NCAPG2: variants seen among roughly 807,000 people sequenced by gnomAD.
NCAPG2 encodes the protein condensin-2 complex subunit G2.
NCAPG2 carries 53 observed loss-of-function variants against 141.1 expected under a neutral mutation model. The observed-to-expected ratio is 0.38, with a 90% confidence interval of 0.30 to 0.47. The LOEUF (loss-of-function observed/expected upper bound fraction) is 0.47. NCAPG2 is among the 20% of genes least tolerant of loss of function. The pLI, the probability that NCAPG2 is intolerant of heterozygous loss-of-function variation, is 0.99. For synonymous variants in NCAPG2, 499 were observed against 490.7 expected (o/e 1.02, Z -0.22); for missense variants, 1,087 against 1,389.0 (o/e 0.78, Z 3.46).
At position 158,655,252 on chromosome 7, in the gene NCAPG2, A is replaced by G; in HGVS notation, c.2512T>C (p.Ser838Pro). ...LSIHLQHKFC[S>P]EGKVYLSMLE... The stretch of plus-strand genomic sequence containing the variant: ...ATGGACAAATACACCTTTCCTTCTG[A>G]GCAGAACTGTCCAAAAACAAGAAGA... The change falls in exon 21 of 28, where the codon TCA (serine) becomes CCA (proline). Residue 838 changes from serine (S) to proline (P), a missense_variant. Coordinates refer to ENST00000356309, the MANE Select transcript of NCAPG2 (RefSeq NM_017760.7). The G allele has an allele frequency of 6.2e-7, 1 of 1,613,892 alleles. No individual in the cohort carries two copies.
chr7:158,638,102 C>A (rs957958837), intron 27 of NCAPG2, among the ~76,000 whole-genome samples: 1 of 152,140 alleles, frequency 6.6e-6, no homozygotes. Flanking sequence ...CAAGATCGCA[C>A]CACTGCACTA....
chr7:158,683,510 A>C, intron 8 of NCAPG2, 124 bp from the exon 9 acceptor site: 2 of 522,486 alleles, frequency 3.8e-6, no homozygotes, highest in Non-Finnish European at 6.3e-6. Context: ...TGAGAAAAAA[A>C]CCTGGACCCT....
intron 11 of NCAPG2, among the ~76,000 whole-genome samples, chr7:158,679,740 T>C (rs1166473675): frequency 1.3e-5 from 2 of 152,144 alleles, no homozygotes. Flanking sequence ...AATAATTAAA[T>C]GTCCCAAAAG....
intron 27 of NCAPG2, among the ~76,000 whole-genome samples, chr7:158,637,093 GC>G (rs1177951611): frequency 3.3e-5 from 5 of 151,848 alleles, no homozygotes; most frequent in African/African-American, 1.2e-4. Context: ...GACTACAGGC[GC>G]CCGCCACCAT....
intron 25 of NCAPG2, 21 bp from the exon 26 acceptor site, chr7:158,645,640 A>C: frequency 1.3e-6 from 2 of 1,596,116 alleles, no homozygotes; most frequent in Non-Finnish European, 1.7e-6. Context: ...ATCAACAAAC[A>C]TCAAAATTAC....
Position 158,675,607 on chromosome 7 carries a change from C to T in NCAPG2, c.1196G>A (p.Gly399Asp), listed in dbSNP as rs1485235173. Reference protein sequence around the residue: ...YPMVRSTGILGVCKITSKYWE... With the variant: ...YPMVRSTGILDVCKITSKYWE... ...GTACTTAGAAGTTATTTTACAAACACCAAGGATCCCTGTGGAACGGACCAT... is the reference window on the plus strand; with the variant it reads ...GTACTTAGAAGTTATTTTACAAACATCAAGGATCCCTGTGGAACGGACCAT... Residue 399 changes from glycine (G) to aspartate (D), a missense_variant, in exon 12 of 28, where the codon GGT (glycine) becomes GAT (aspartate). Coordinates refer to ENST00000356309, the MANE Select transcript of NCAPG2 (RefSeq NM_017760.7). 6.2e-7 allele frequency: 1 copy of T among 1,613,744 alleles called. No individual in the cohort carries two copies. Among genetic ancestry groups the T allele is most frequent in the East Asian group, 2.2e-5 (1 of 44,888 alleles).
chr7:158,655,538 C>T, intron 19 of NCAPG2, 83 bp from the exon 20 acceptor site: 1 of 1,203,246 alleles, frequency 8.3e-7, no homozygotes, highest in East Asian at 2.3e-5. Context: ...TGGGAAGCAC[C>T]TGATCCTCAG....
At chr7:158,677,286 C>G (rs1367307972) in intron 11 of NCAPG2, among the ~76,000 whole-genome samples, 1 of 152,016 alleles carries the variant, frequency 6.6e-6, no homozygotes, top group Non-Finnish European at 1.5e-5. Flanking sequence ...GCCCTTTGTA[C>G]TTGGGTACCG....
chr7:158,652,497 A>C lies in NCAPG2; in HGVS notation c.2747-17T>G, dbSNP rs766564275. On this transcript the variant is annotated splice_polypyrimidine_tract_variant and intron_variant, in intron 22 of 27. Transcript: ENST00000356309. ...ATCCCTTCACTAGAAAGAAAATTGGAATATATCAGTTTTCTAATCACACAA... is the reference window on the plus strand; with the variant it reads ...ATCCCTTCACTAGAAAGAAAATTGGCATATATCAGTTTTCTAATCACACAA... The C allele has an allele frequency of 1.7e-5, 26 of 1,546,392 alleles. No homozygotes were observed. Among genetic ancestry groups the C allele is most frequent in the Middle Eastern group, 1.7e-4 (1 of 5,836 alleles).
intron 27 of NCAPG2, chr7:158,640,418 A>G (rs1830564162): frequency 6.6e-6 from 1 of 152,194 alleles, no homozygotes; most frequent in Admixed American, 6.5e-5. Context: ...CCTGTATACC[A>G]GCTACTCAGC....
In NCAPG2 at chr7:158,688,555, C is replaced by T. The variant is rs558729408; in HGVS notation, c.673-1113G>A. Among the ~76,000 whole-genome samples the T allele has an allele frequency of 2.7e-4, 41 of 152,320 alleles. No homozygotes were observed. In the South Asian group the frequency reaches 6.8e-3, roughly 25 times the overall value. On this transcript the variant is annotated intron_variant, in intron 6 of 27. Transcript: ENST00000356309. The stretch of plus-strand genomic sequence containing the variant: ...GCTGTGTCCAACATCTTTGTAATAA[C>T]GATGGTGCTGACACAGCAAGGATGG...
intron 13 of NCAPG2, among the ~76,000 whole-genome samples, chr7:158,666,532 C>G (rs923056335): frequency 4.0e-5 from 6 of 151,482 alleles, no homozygotes; most frequent in Non-Finnish European, 7.4e-5. Context: ...TGATTAAGTA[C>G]AAGATCATAG....
chr7:158,699,703 G>A (rs1218173854), intron 2 of NCAPG2, among the ~76,000 whole-genome samples: 3 of 152,162 alleles, frequency 2.0e-5, no homozygotes, highest in Non-Finnish European at 4.4e-5. Context: ...CTTACACACA[G>A]AGGGGCAGGT....
In NCAPG2 at chr7:158,655,246, C is replaced by T; in HGVS notation, c.2518G>A (p.Gly840Arg). The part of the protein sequence containing the change: ...IHLQHKFCSE[G>R]KVYLSMLEDT... The stretch of plus-strand genomic sequence containing the variant: ...TCCAACATGGACAAATACACCTTTC[C>T]TTCTGAGCAGAACTGTCCAAAAACA... The change falls in exon 21 of 28, where the codon GGA (glycine) becomes AGA (arginine). Residue 840 changes from glycine (G) to arginine (R), a missense_variant. By Grantham distance (125) the Gly-to-Arg change is moderately radical (BLOSUM62 -2). Coordinates refer to ENST00000356309, the MANE Select transcript of NCAPG2 (RefSeq NM_017760.7). 1 of 1,613,896 alleles carries T rather than the reference C, an allele frequency of 6.2e-7. No homozygotes were observed. Among genetic ancestry groups the T allele is most frequent in the Non-Finnish European group, 8.5e-7 (1 of 1,179,962 alleles).
At chr7:158,644,195 TG>T in intron 27 of NCAPG2, 93 bp downstream of exon 27, 1 of 1,042,246 alleles carries the variant, frequency 9.6e-7, no homozygotes, top group South Asian at 1.4e-5. Context: ...ACCACCTGGG[TG>T]TAAGTAGCAG....
intron 16 of NCAPG2, among the ~76,000 whole-genome samples, chr7:158,660,821 C>T (rs547241374): frequency 3.9e-5 from 6 of 152,240 alleles, no homozygotes; most frequent in South Asian, 2.1e-4. Flanking sequence ...GGGAGGGACA[C>T]GGTGGTAGGT....
At chr7:158,680,447 G>A (rs1834379750) in intron 10 of NCAPG2, among the ~76,000 whole-genome samples, 1 of 152,164 alleles carries the variant, frequency 6.6e-6, no homozygotes, top group Non-Finnish European at 1.5e-5. Flanking sequence ...AGCCTCAGCT[G>A]GTTTGCTTTA....
chr7:158,650,170 C>T (rs550890339), intron 24 of NCAPG2, among the ~76,000 whole-genome samples: 2 of 152,176 alleles, frequency 1.3e-5, no homozygotes, highest in East Asian at 3.9e-4. Context: ...CCTCAGCCCC[C>T]GAGCAGCTGG....
chr7:158,677,180 G>A (rs1023603071), intron 11 of NCAPG2, among the ~76,000 whole-genome samples: 1 of 151,950 alleles, frequency 6.6e-6, no homozygotes, highest in Non-Finnish European at 1.5e-5. Flanking sequence ...AGAGATACTG[G>A]GCAACAGACA....
Sources: allele counts gnomAD v4.1 joint callset (sites outside exome capture counted in the v4.1 genomes callset), GRCh38; gene constraint gnomAD v4.1.1; transcripts MANE v1.5; gene names NCBI Gene and HGNC (gene_info 2026-07-23, HGNC 2026-07-21).